Variants in CRTAC1 observed in about 807,000 individuals in gnomAD.
CRTAC1 encodes the protein acidic secreted protein in cartilage.
In CRTAC1, 37 loss-of-function variants were observed where a neutral mutation model predicts 67.8. That is an observed-to-expected ratio of 0.55 (90% CI 0.42 to 0.72). The LOEUF (loss-of-function observed/expected upper bound fraction) is 0.72. CRTAC1 is among the 30% of genes least tolerant of loss of function. The pLI is 0.00. For missense variants in CRTAC1, 780 were observed against 931.6 expected (o/e 0.84, Z 2.12); for synonymous variants, 348 against 371.0 (o/e 0.94, Z 0.71).
At chr10:97,993,367 A>T (rs1449726053) in intron 2 of CRTAC1, among the ~76,000 whole-genome samples, 1 of 152,262 alleles carries the variant, frequency 6.6e-6, no homozygotes, top group Non-Finnish European at 1.5e-5. Flanking sequence ...CAGTGTTTAT[A>T]AGAGGCTAGA....
intron 3 of CRTAC1, among the ~76,000 whole-genome samples, chr10:97,932,431 T>C (rs1172025906): frequency 4.6e-5 from 7 of 152,188 alleles, no homozygotes; most frequent in Non-Finnish European, 1.5e-5. Context: ...CCCATGGAAC[T>C]AAGACCCTAG....
rs1590175626 is a variant in CRTAC1 at position 97,879,578 on chromosome 10, A to G, written c.1819+671T>C. On this transcript the variant is annotated intron_variant, in intron 14 of 14. Transcript: ENST00000370597. The stretch of plus-strand genomic sequence containing the variant: ...TGTTGTCCATTCAGAGGGAGCACAC[A>G]GCAGAACCTACTGGGCGTGGAGAGA... 1.6e-5 allele frequency: 22 copies of G among 1,416,866 alleles called. No homozygotes were observed. In the East Asian group the frequency reaches 5.6e-4, roughly 36 times the overall value. 87.8% of individuals were successfully genotyped at this position (1,416,866 alleles called of 1,614,324 possible).
intron 1 of CRTAC1, among the ~76,000 whole-genome samples, chr10:98,021,090 G>A (rs944059236): frequency 4.6e-5 from 7 of 152,252 alleles, no homozygotes; most frequent in Non-Finnish European, 1.0e-4. Context: ...TGGGCACTAG[G>A]AAAACAGCTG....
chr10:97,900,369 A>G (rs1289324513), intron 8 of CRTAC1, among the ~76,000 whole-genome samples: 2 of 152,372 alleles, frequency 1.3e-5, no homozygotes, highest in East Asian at 1.9e-4. Context: ...CATCTTTTGG[A>G]AAATTAAAAT....
At chr10:97,918,177 G>C (rs2050786518) in intron 4 of CRTAC1, among the ~76,000 whole-genome samples, 1 of 152,154 alleles carries the variant, frequency 6.6e-6, no homozygotes, top group Non-Finnish European at 1.5e-5. Context: ...GGTAGCACGA[G>C]AGGCACAGAT....
chr10:97,880,523 G>T (rs2050199143), intron 13 of CRTAC1, 131 bp from the exon 14 acceptor site: 1 of 1,185,790 alleles, frequency 8.4e-7, no homozygotes. Context: ...CCCTGCTTCA[G>T]TTCCCTTGGC....
At chr10:97,993,348 T>C (rs922965505) in intron 2 of CRTAC1, among the ~76,000 whole-genome samples, 1 of 152,248 alleles carries the variant, frequency 6.6e-6, no homozygotes, top group African/African-American at 2.4e-5. Context: ...TACAACCTTA[T>C]ATGAAATGCA....
chr10:97,971,448 G>A (rs1449969532), intron 2 of CRTAC1, among the ~76,000 whole-genome samples: 1 of 152,218 alleles, frequency 6.6e-6, no homozygotes, highest in Non-Finnish European at 1.5e-5. Context: ...AGTAGGTAGA[G>A]TAGTCAAATT....
chr10:97,933,837 G>C (rs1466630849), intron 3 of CRTAC1, among the ~76,000 whole-genome samples: 1 of 152,222 alleles, frequency 6.6e-6, no homozygotes, highest in East Asian at 1.9e-4. Context: ...CTTGGTGTAT[G>C]CAGGAATCGC....
At chr10:97,963,282 T>C (rs1051199347) in intron 2 of CRTAC1, among the ~76,000 whole-genome samples, 2 of 152,154 alleles carry the variant, frequency 1.3e-5, no homozygotes, top group Non-Finnish European at 2.9e-5. Context: ...GTTCTCAAAG[T>C]GTGGTCTCTG....
intron 2 of CRTAC1, among the ~76,000 whole-genome samples, chr10:97,991,860 C>T (rs531901420): frequency 2.0e-5 from 3 of 152,190 alleles, no homozygotes; most frequent in Non-Finnish European, 4.4e-5. Context: ...TTTAGATATA[C>T]CCTTGGAAAC....
chr10:97,901,411 C>T (rs1308641166), intron 8 of CRTAC1, 92 bp downstream of exon 8: 9 of 1,530,882 alleles, frequency 5.9e-6, no homozygotes, highest in Non-Finnish European at 8.0e-6. Context: ...GCCCTGGGAA[C>T]CCTCCCCTTC....
chr10:97,917,556 C>T lies in CRTAC1; in HGVS notation c.659G>A (p.Arg220Gln), dbSNP rs370424839. 2.6e-5 allele frequency: 42 copies of T among 1,602,638 alleles called. No individual in the cohort carries two copies. Among genetic ancestry groups the T allele is most frequent in the South Asian group, 8.0e-5 (7 of 87,982 alleles). The change falls in exon 5 of 15, where the codon CGG becomes CAG. Residue 220 changes from arginine (R) to glutamine (Q), a missense_variant. Coordinates refer to ENST00000370597, the MANE Select transcript of CRTAC1 (RefSeq NM_018058.7). ...EMDPEASDLSRGILALRDVAA... is the reference protein window; with the variant it reads ...EMDPEASDLSQGILALRDVAA... ...CACATCTCTGAGCGCCAGAATGCCCCGGGAGAGGTCACTGGCCTCAGGGTC... is the reference window on the plus strand; with the variant it reads ...CACATCTCTGAGCGCCAGAATGCCCTGGGAGAGGTCACTGGCCTCAGGGTC...
At chr10:97,938,218 T>C (rs1169484084) in intron 2 of CRTAC1, among the ~76,000 whole-genome samples, 1 of 152,142 alleles carries the variant, frequency 6.6e-6, no homozygotes, top group Non-Finnish European at 1.5e-5. Context: ...TGGAGACGTG[T>C]CTAGGCAGGA....
chr10:97,934,840 T>C (rs2051058168), intron 3 of CRTAC1, among the ~76,000 whole-genome samples: 1 of 151,772 alleles, frequency 6.6e-6, no homozygotes, highest in Non-Finnish European at 1.5e-5. Context: ...TCCCTCACAG[T>C]GTCCCTCACC....
In CRTAC1 at chr10:98,001,273, A is replaced by T. The variant is rs530991560; in HGVS notation, c.224+9865T>A. 4.1e-4 allele frequency among the ~76,000 whole-genome samples: 63 copies of T among 152,322 alleles called. 1 individual carries two copies. Among genetic ancestry groups the T allele is most frequent in the African/African-American group, 1.5e-3 (63 of 41,574 alleles). ...GCAGAAAAATATAATAAAGATTATC[A>T]TTTGAATAATACAATTAACAAGCTT... On this transcript the variant is annotated intron_variant, in intron 2 of 14. Coordinates refer to ENST00000370597, the MANE Select transcript of CRTAC1 (RefSeq NM_018058.7).
rs1216116056 is a variant in CRTAC1 at position 97,865,621 on chromosome 10, G to C, written c.1913C>G (p.Ala638Gly). The C allele has an allele frequency of 7.4e-6, 12 of 1,613,376 alleles. No individual in the cohort carries two copies. The highest frequency in any genetic ancestry group is 8.5e-6 in the Non-Finnish European group (10 of 1,179,718). ...AAAAAAGAAT[A>G]APVLVDGDLN... is the part of the protein sequence containing the mutation. ...ATCTCCATCTACGAGGACCGGTGCA[G>C]CAGTGGCAGCTCCAGCAGCGGCAGC... is the stretch of plus-strand genomic sequence containing the variant. The change falls in exon 15 of 15, where the codon GCT becomes GGT. Residue 638 changes from alanine (A) to glycine (G), a missense_variant. By Grantham distance (60) the Ala-to-Gly change is moderately conservative. Transcript: ENST00000370597.
chr10:97,940,946 C>T (rs1375740551), intron 2 of CRTAC1, among the ~76,000 whole-genome samples: 1 of 152,176 alleles, frequency 6.6e-6, no homozygotes, highest in Non-Finnish European at 1.5e-5. Context: ...TTTCCTGTCC[C>T]CAAACATCCC....
chr10:97,981,092 G>C (rs954770248), intron 2 of CRTAC1, among the ~76,000 whole-genome samples: 16 of 152,144 alleles, frequency 1.1e-4, no homozygotes, highest in African/African-American at 3.9e-4. Flanking sequence ...TCCCAATTAG[G>C]TGAAGAGAAA....
Sources: allele counts gnomAD v4.1 joint callset (sites outside exome capture counted in the v4.1 genomes callset), GRCh38; gene constraint gnomAD v4.1.1; transcripts MANE v1.5; gene names NCBI Gene and HGNC (gene_info 2026-07-23, HGNC 2026-07-21).